The following ARHGEF11 variants were observed in gnomAD, a reference collection of about 807,000 sequenced individuals.
ARHGEF11 encodes Rho guanine nucleotide exchange factor 11.
ARHGEF11 carries 55 observed loss-of-function variants against 193.7 expected under a neutral mutation model. That is an observed-to-expected ratio of 0.28 (90% CI 0.23 to 0.36). ARHGEF11 has a LOEUF of 0.36. Among genes scored for constraint, ARHGEF11 ranks in the 10% least tolerant of loss-of-function variants. The pLI, the probability that ARHGEF11 is intolerant of heterozygous loss-of-function variation, is 1.00. For synonymous variants in ARHGEF11, 693 were observed against 768.0 expected, an observed-to-expected ratio of 0.90 and a Z score of 1.62; for missense variants, 1,723 against 2,005.6, an observed-to-expected ratio of 0.86 and a Z score of 2.69.
rs544553005 is a variant in ARHGEF11 at position 156,935,596 on chromosome 1, C to A, written c.*404G>T. On this transcript the variant is annotated 3_prime_UTR_variant, in exon 41 of 41. Transcript: ENST00000368194. Reference sequence around the variant, plus strand: ...GGAGGCACCCACCTCTGCCTGGGGTCTTATGGAGAAAGAGGGGAGGAAGAA... The same window carrying A: ...GGAGGCACCCACCTCTGCCTGGGGTATTATGGAGAAAGAGGGGAGGAAGAA... 9.8e-5 allele frequency: 17 copies of A among 173,852 alleles called. No individual in the cohort carries two copies. In the East Asian group the frequency reaches 2.6e-3, roughly 27 times the overall value. 10.8% of individuals were successfully genotyped at this position (173,852 alleles called of 1,614,324 possible). A position where few individuals can be genotyped will look rare whatever the true frequency, so the allele number is the denominator to read the frequency against.
At chr1:156,941,544 C>T in intron 34 of ARHGEF11, 111 bp from the exon 35 acceptor site, 3 of 1,249,682 alleles carry the variant, frequency 2.4e-6, no homozygotes, top group Non-Finnish European at 3.5e-6. Flanking sequence ...GGCCTCTTCA[C>T]CTGGCTGGTC....
intron 1 of ARHGEF11, among the ~76,000 whole-genome samples, chr1:157,017,637 G>A (rs942944662): frequency 5.3e-5 from 8 of 149,948 alleles, no homozygotes; most frequent in Admixed American, 2.0e-4. Flanking sequence ...AACCCAGGAG[G>A]TGGAGGTTGC....
At chr1:157,029,255 G>A (rs1223645347) in intron 1 of ARHGEF11, among the ~76,000 whole-genome samples, 1 of 54,894 alleles carries the variant, frequency 1.8e-5, no homozygotes, top group Non-Finnish European at 3.9e-5. Flanking sequence ...AACCACTTTG[G>A]TGGTTTTTGT....
intron 30 of ARHGEF11, among the ~76,000 whole-genome samples, 154 bp from the exon 31 acceptor site, chr1:156,944,587 G>C (rs1343394394): frequency 6.6e-6 from 1 of 152,170 alleles, no homozygotes; most frequent in Non-Finnish European, 1.5e-5. Context: ...ATGAAGACAA[G>C]CAAAAAGGTA....
chr1:157,013,299 A>ACACACCCC (rs534893600), intron 1 of ARHGEF11, among the ~76,000 whole-genome samples: 1 of 148,624 alleles, frequency 6.7e-6, no homozygotes, highest in African/African-American at 2.5e-5. Context: ...ACACACACAC[A>ACACACCCC]CCAAGAACCT....
intron 18 of ARHGEF11, 122 bp downstream of exon 18, chr1:156,957,670 G>T: frequency 9.1e-7 from 1 of 1,098,038 alleles, no homozygotes; most frequent in Non-Finnish European, 1.4e-6. Flanking sequence ...CAGGAACCAC[G>T]GTCCTTCATG....
intron 1 of ARHGEF11, among the ~76,000 whole-genome samples, chr1:157,029,120 T>C (rs1262475358): frequency 1.3e-5 from 2 of 150,176 alleles, no homozygotes; most frequent in African/African-American, 2.5e-5. Flanking sequence ...TAAGTCAAGA[T>C]TGTGCCATTG....
rs1427511392 is a variant in ARHGEF11, at chr1:156,937,473, G to A, written c.4216C>T (p.Pro1406Ser). 1.3e-6 allele frequency: 2 copies of A among 1,531,138 alleles called. No homozygotes were observed. The highest frequency in any genetic ancestry group is 2.2e-5 in the Admixed American group (1 of 46,006). 94.8% of individuals were successfully genotyped at this position (1,531,138 alleles called of 1,614,324 possible). ...ATGNCFYVSM[P>S]SGPPDSSTDH... is the part of the protein sequence containing the mutation. ...GTGCTTGAGTCCGGGGGTCCTGATG[G>A]CATGCTGACATAAAAGCAGTTCCCT... The change falls in exon 39 of 41, where the codon CCA becomes TCA. Residue 1406 changes from proline to serine, a missense_variant. Physicochemically the swap from Pro to Ser is moderately conservative, Grantham distance 74. Transcript: ENST00000368194.
chr1:156,996,324 CA>C (rs751778599), intron 1 of ARHGEF11, among the ~76,000 whole-genome samples: 62 of 151,866 alleles, frequency 4.1e-4, no homozygotes, highest in Admixed American at 9.8e-4. Context: ...AGGGGATGGA[CA>C]AAGAAGAAAT....
At chr1:157,035,980 TATATATATATGAATCTATATATAGGA>T (rs1557991175) in intron 1 of ARHGEF11, among the ~76,000 whole-genome samples, 234 of 12,292 alleles carry the variant, frequency 0.019, 2 homozygotes, top group African/African-American at 0.052. Flanking sequence ...TATATAGGAA[TATATATATATGAATCTATATATAGGA>T]ATATATATAT....
chr1:157,036,724 T>G (rs978742404), intron 1 of ARHGEF11, among the ~76,000 whole-genome samples: 1 of 152,212 alleles, frequency 6.6e-6, no homozygotes, highest in Non-Finnish European at 1.5e-5. Flanking sequence ...CTGTATTCAG[T>G]AAATTGCTAG....
chr1:156,956,686 G>C, intron 18 of ARHGEF11, 122 bp from the exon 19 acceptor site: 1 of 1,409,754 alleles, frequency 7.1e-7, no homozygotes, highest in Non-Finnish European at 9.6e-7. Context: ...AGTATTCAAA[G>C]AAAAGTCTAG....
At chr1:157,035,950 A>AAT (rs777023051) in intron 1 of ARHGEF11, among the ~76,000 whole-genome samples, 1 of 62,074 alleles carries the variant, frequency 1.6e-5, no homozygotes, top group African/African-American at 4.3e-5. Context: ...TATATATAGG[A>AAT]ATATATATAT....
chr1:156,959,107 C>T lies in ARHGEF11; in HGVS notation c.1318G>A (p.Val440Ile). The T allele has an allele frequency of 6.2e-7, 1 of 1,614,230 alleles. No homozygotes were observed. The highest frequency in any genetic ancestry group is 8.5e-7 in the Non-Finnish European group (1 of 1,180,042). ...RLRNSEDARGVLCEAQEAAMP... is the reference protein window; with the variant it reads ...RLRNSEDARGILCEAQEAAMP... ...GCTGCCTCTTGAGCTTCACAGAGAA[C>T]ACCACGGGCATCTTCGCTGTTCCGC... The change falls in exon 16 of 41, where the codon GTT (valine) becomes ATT (isoleucine). Residue 440 changes from valine to isoleucine, a missense_variant. Coordinates refer to ENST00000368194, the MANE Select transcript of ARHGEF11 (RefSeq NM_198236.3).
In ARHGEF11 at chr1:156,935,990, G is replaced by A. The variant is rs1450449947; in HGVS notation, c.*10C>T. 2 of 1,611,404 alleles carry A rather than the reference G, an allele frequency of 1.2e-6. No homozygotes were observed. Among genetic ancestry groups the A allele is most frequent in the East Asian group, 4.5e-5 (2 of 44,808 alleles). On this transcript the variant is annotated 3_prime_UTR_variant, in exon 41 of 41. Coordinates refer to ENST00000368194, the MANE Select transcript of ARHGEF11 (RefSeq NM_198236.3). ...GAGTGGGGACGCAGAGGATTTGGTGGTTTGTACGGTTATGGTCCTGGTGAC... is the reference window on the plus strand; with the variant it reads ...GAGTGGGGACGCAGAGGATTTGGTGATTTGTACGGTTATGGTCCTGGTGAC...
chr1:157,044,542 C>A lies in ARHGEF11; in HGVS notation c.-212G>T. On this transcript the variant is annotated 5_prime_UTR_variant, in exon 1 of 41. Coordinates refer to ENST00000368194, the MANE Select transcript of ARHGEF11 (RefSeq NM_198236.3). ...TTCCTTTCTCAGCCCCTCTTCCCCT[C>A]CCCCGCTTTAAAAAAAAAGAAAAGA... is the stretch of plus-strand genomic sequence containing the variant. 1 of 434,832 alleles carries A rather than the reference C, an allele frequency of 2.3e-6. No individual in the cohort carries two copies. Among genetic ancestry groups the A allele is most frequent in the Non-Finnish European group, 4.1e-6 (1 of 244,338 alleles). 26.9% of individuals were successfully genotyped at this position (434,832 alleles called of 1,614,324 possible).
Position 156,963,246 on chromosome 1 carries a change from A to C in ARHGEF11, c.1097T>G (p.Val366Gly). The change falls in exon 13 of 41, where the codon GTT becomes GGT. Residue 366 changes from valine to glycine, a missense_variant. By Grantham distance (109) the Val-to-Gly change is moderately radical. This residue lies in a region of ARHGEF11 where 646 missense variants were observed against 710.7 expected (regional missense o/e 0.91). Coordinates refer to ENST00000368194, the MANE Select transcript of ARHGEF11 (RefSeq NM_198236.3). The stretch of plus-strand genomic sequence containing the variant: ...CTGAGAGAAGATGTAACGTAGAAAA[A>C]CCCCCAGGTGAGCTGGCCGAGACTT... ...KLKSRPAHLG[V>G]FLRYIFSQAD... is the part of the protein sequence containing the mutation. 6.2e-7 allele frequency: 1 copy of C among 1,613,638 alleles called. No homozygotes were observed. Among genetic ancestry groups the C allele is most frequent in the Non-Finnish European group, 8.5e-7 (1 of 1,179,942 alleles).
intron 1 of ARHGEF11, among the ~76,000 whole-genome samples, chr1:157,026,348 A>G (rs1670640291): frequency 6.6e-6 from 1 of 152,104 alleles, no homozygotes; most frequent in African/African-American, 2.4e-5. Flanking sequence ...CACACACACA[A>G]TTTCCCCTAA....
intron 1 of ARHGEF11, among the ~76,000 whole-genome samples, chr1:156,988,287 C>T (rs1245643745): frequency 6.6e-6 from 1 of 152,196 alleles, no homozygotes; most frequent in East Asian, 1.9e-4. Flanking sequence ...TAGGGAGGGG[C>T]TCAGTCCTAT....
Sources: allele counts gnomAD v4.1 joint callset (sites outside exome capture counted in the v4.1 genomes callset), GRCh38; gene constraint gnomAD v4.1.1; regional missense constraint gnomAD v4.1.1; transcripts MANE v1.5; gene names NCBI Gene and HGNC (gene_info 2026-07-23, HGNC 2026-07-21).